Variants in SLC7A2 observed in about 807,000 individuals in gnomAD.
SLC7A2 encodes cationic amino acid transporter 2.
A neutral mutation model predicts 58.9 loss-of-function variants in SLC7A2; 48 were observed. The observed-to-expected ratio is 0.82, with a 90% CI of 0.65 to 1.04. The LOEUF (loss-of-function observed/expected upper bound fraction) is 1.04, where lower values mean the gene tolerates loss of function less well. SLC7A2 is among the 50% of genes least tolerant of loss of function. SLC7A2 has a pLI of 0.00. For synonymous variants in SLC7A2, 363 were observed against 314.5 expected (o/e 1.15, Z -1.63); for missense variants, 1,029 against 818.8 (o/e 1.26, Z -3.13).
chr8:17,513,231 A>G (rs1470378681), intron 2 of SLC7A2, among the ~76,000 whole-genome samples: 4 of 152,174 alleles, frequency 2.6e-5, no homozygotes, highest in East Asian at 3.9e-4. Flanking sequence ...AGGAGCTGCC[A>G]TATTGTTCCC....
intron 2 of SLC7A2, chr8:17,538,871 G>T: frequency 6.2e-7 from 1 of 1,613,386 alleles, no homozygotes; most frequent in Non-Finnish European, 8.5e-7. Flanking sequence ...CTAATTTGTC[G>T]AGGGTTTATT....
intron 1 of SLC7A2, among the ~76,000 whole-genome samples, chr8:17,501,318 A>G (rs1800151615): frequency 6.6e-6 from 1 of 152,124 alleles, no homozygotes. Context: ...TCGGCCTCTT[A>G]TGGACTCTTA....
At chr8:17,562,870 G>C (rs993728846) in intron 11 of SLC7A2, among the ~76,000 whole-genome samples, 8 of 152,128 alleles carry the variant, frequency 5.3e-5, no homozygotes, top group African/African-American at 1.9e-4. Flanking sequence ...GCTGGGTGTG[G>C]TGCCTCACAC....
chr8:17,530,517 C>T (rs138547194), intron 2 of SLC7A2, among the ~76,000 whole-genome samples: 1 of 151,682 alleles, frequency 6.6e-6, no homozygotes, highest in East Asian at 1.9e-4. Flanking sequence ...GAAACCCAGG[C>T]AAGTTGCTGA....
upstream of SLC7A2, among the ~76,000 whole-genome samples, chr8:17,496,321 C>G (rs1451872950): frequency 1.3e-5 from 2 of 152,096 alleles, no homozygotes; most frequent in South Asian, 4.2e-4. Flanking sequence ...GACCCTGTCT[C>G]TAAAGACAAA....
At chr8:17,513,800 A>G (rs952595063) in intron 2 of SLC7A2, among the ~76,000 whole-genome samples, 1 of 152,216 alleles carries the variant, frequency 6.6e-6, no homozygotes, top group Non-Finnish European at 1.5e-5. Context: ...CCCACTTACA[A>G]CAGCGCTAAG....
chr8:17,504,466 C>A (rs1800287376), intron 2 of SLC7A2, among the ~76,000 whole-genome samples: 1 of 152,184 alleles, frequency 6.6e-6, no homozygotes, highest in East Asian at 1.9e-4. Flanking sequence ...GGAGCCCATA[C>A]TTGATAGAAT....
intron 2 of SLC7A2, among the ~76,000 whole-genome samples, chr8:17,505,057 T>G (rs1434976624): frequency 6.6e-6 from 1 of 152,166 alleles, no homozygotes; most frequent in East Asian, 1.9e-4. Flanking sequence ...GGAAATTAAG[T>G]GATGGAAGCA....
chr8:17,517,733 A>G (rs547257227), intron 2 of SLC7A2, among the ~76,000 whole-genome samples: 2 of 152,238 alleles, frequency 1.3e-5, no homozygotes, highest in East Asian at 3.9e-4. Flanking sequence ...TCTATTGGAG[A>G]TGAAGTTTTA....
At chr8:17,562,220 A>G (rs1224378954) in intron 11 of SLC7A2, 110 bp downstream of exon 11, 6 of 745,694 alleles carry the variant, frequency 8.0e-6, no homozygotes, top group Non-Finnish European at 1.1e-5. Context: ...TTTTTTGGAG[A>G]TGGAATCTCT....
chr8:17,508,734 T>C (rs1259285687), intron 2 of SLC7A2, among the ~76,000 whole-genome samples: 4 of 151,764 alleles, frequency 2.6e-5, no homozygotes, highest in Non-Finnish European at 5.9e-5. Context: ...AAAATAAAAA[T>C]AAACAAATAA....
At chr8:17,504,868 A>C (rs1216775439) in intron 2 of SLC7A2, among the ~76,000 whole-genome samples, 2 of 152,178 alleles carry the variant, frequency 1.3e-5, no homozygotes, top group Non-Finnish European at 2.9e-5. Context: ...TTCTAATGAA[A>C]GGCATTTGCA....
chr8:17,556,522 T>C (rs758075600), intron 8 of SLC7A2, among the ~76,000 whole-genome samples: 2 of 152,224 alleles, frequency 1.3e-5, no homozygotes, highest in South Asian at 2.1e-4. Flanking sequence ...GGACAACTTA[T>C]CATTTTCTTC....
At chr8:17,550,976 C>G (rs1477353652) in intron 6 of SLC7A2, among the ~76,000 whole-genome samples, 1 of 152,132 alleles carries the variant, frequency 6.6e-6, no homozygotes, top group East Asian at 1.9e-4. Context: ...CATTAGTGTA[C>G]AAAGTATACT....
At chr8:17,500,754 A>T (rs2150637093) in intron 1 of SLC7A2, 1 of 151,930 alleles carries the variant, frequency 6.6e-6, no homozygotes, top group African/African-American at 2.4e-5. Context: ...GTGCCACTGC[A>T]CTCCAGCCTG....
At chr8:17,545,686 C>G (rs1191988751) in intron 4 of SLC7A2, among the ~76,000 whole-genome samples, 1 of 152,092 alleles carries the variant, frequency 6.6e-6, no homozygotes, top group Admixed American at 6.5e-5. Flanking sequence ...GCGTGAGCCA[C>G]CATGCCTGGC....
chr8:17,525,442 C>T (rs974510493), intron 2 of SLC7A2, among the ~76,000 whole-genome samples: 1 of 152,094 alleles, frequency 6.6e-6, no homozygotes, highest in Admixed American at 6.5e-5. Context: ...TAGTATTTGT[C>T]CCATTTTCTT....
intron 6 of SLC7A2, 131 bp from the exon 7 acceptor site, chr8:17,551,633 G>A: frequency 1.4e-6 from 1 of 700,838 alleles, no homozygotes; most frequent in Non-Finnish European, 2.5e-6. Flanking sequence ...AAAATAGATG[G>A]ACCAAGATAA....
chr8:17,515,189 A>T (rs1476587049), intron 2 of SLC7A2, among the ~76,000 whole-genome samples: 1 of 152,186 alleles, frequency 6.6e-6, no homozygotes, highest in Non-Finnish European at 1.5e-5. Flanking sequence ...TAATGGTGTG[A>T]TACACCCGGT....
Sources: allele counts gnomAD v4.1 joint callset (sites outside exome capture counted in the v4.1 genomes callset), GRCh38; gene constraint gnomAD v4.1.1; transcripts MANE v1.5; gene names NCBI Gene and HGNC (gene_info 2026-07-23, HGNC 2026-07-21).